Variants in PCMTD1 observed in about 807,000 individuals in gnomAD.
PCMTD1 encodes the protein protein-L-isoaspartate (D-aspartate) O-methyltransferase domain containing 1, also known as protein-L-isoaspartate O-methyltransferase domain-containing protein 1.
Under a neutral mutation model 37.6 loss-of-function variants are expected in PCMTD1, and 12 were observed. The observed-to-expected ratio is 0.32, with a 90% confidence interval of 0.20 to 0.52. PCMTD1 has a LOEUF of 0.52. Among genes scored for constraint, PCMTD1 ranks in the 20% least tolerant of loss-of-function variants. PCMTD1 has a pLI of 0.97. For synonymous variants in PCMTD1, 117 were observed against 135.8 expected (o/e 0.86, Z 0.96); for missense variants, 235 against 421.3 (o/e 0.56, Z 3.87).
intron 4 of PCMTD1, among the ~76,000 whole-genome samples, chr8:51,832,169 T>C (rs1310486473): frequency 2.0e-5 from 3 of 152,200 alleles, no homozygotes; most frequent in Non-Finnish European, 4.4e-5. Context: ...AAGCAGCTCG[T>C]TATTACATCT....
intron 5 of PCMTD1, among the ~76,000 whole-genome samples, chr8:51,825,736 G>T (rs1372836856): frequency 6.7e-6 from 1 of 149,728 alleles, no homozygotes; most frequent in Non-Finnish European, 1.5e-5. Flanking sequence ...AGATATTTAT[G>T]CAACCAACAA....
At position 51,833,616 on chromosome 8, in the gene PCMTD1, G is replaced by A; in HGVS notation, c.484C>T (p.Arg162Ter). 1 of 1,612,284 alleles carries A rather than the reference G, an allele frequency of 6.2e-7. No homozygotes were observed. Among genetic ancestry groups the A allele is most frequent in the Non-Finnish European group, 8.5e-7 (1 of 1,179,524 alleles). ...TGCACTCCAGCTCCACAATAAATTCGATCATACTGATGACTGTCAGAAGCT... is the reference window on the plus strand; with the variant it reads ...TGCACTCCAGCTCCACAATAAATTCAATCATACTGATGACTGTCAGAAGCT... ...QIASDSHQYD[R>*]IYCGAGVQKD... Residue 162 changes from arginine to a stop codon, truncating the protein, a stop_gained, in exon 4 of 6, where the codon CGA becomes TGA. Transcript: ENST00000522514. LOFTEE classifies it high-confidence loss of function.
chr8:51,862,383 CAT>C (rs2038486363), intron 1 of PCMTD1, among the ~76,000 whole-genome samples: 1 of 152,096 alleles, frequency 6.6e-6, no homozygotes, highest in African/African-American at 2.4e-5. Flanking sequence ...CTCACACACA[CAT>C]ACACTGAACT....
At chr8:51,839,716 C>T (rs544766950) in intron 3 of PCMTD1, 44 of 635,014 alleles carry the variant, frequency 6.9e-5, no homozygotes, top group African/African-American at 1.4e-4. Flanking sequence ...TAGTTTATCA[C>T]GTGCCACAGG....
intron 3 of PCMTD1, among the ~76,000 whole-genome samples, chr8:51,841,454 G>A (rs2038145881): frequency 6.6e-6 from 1 of 152,076 alleles, no homozygotes; most frequent in African/African-American, 2.4e-5. Flanking sequence ...ACCTAAAAGG[G>A]GACGAATATA....
intron 1 of PCMTD1, among the ~76,000 whole-genome samples, chr8:51,880,431 T>C (rs1468108440): frequency 6.6e-6 from 1 of 152,170 alleles, no homozygotes; most frequent in African/African-American, 2.4e-5. Flanking sequence ...CTTACTATGT[T>C]TTCTTACATA....
At chr8:51,885,060 C>T (rs2038845422) in intron 1 of PCMTD1, among the ~76,000 whole-genome samples, 1 of 152,156 alleles carries the variant, frequency 6.6e-6, no homozygotes, top group Admixed American at 6.5e-5. Flanking sequence ...CCTGACTGGA[C>T]CCAGATTTAT....
At chr8:51,825,406 T>C (rs1320347833) in intron 5 of PCMTD1, among the ~76,000 whole-genome samples, 1 of 65,954 alleles carries the variant, frequency 1.5e-5, no homozygotes, top group Non-Finnish European at 8.0e-5. Flanking sequence ...CAAAATAAGA[T>C]ATTTATGGCC....
intron 1 of PCMTD1, among the ~76,000 whole-genome samples, chr8:51,867,722 A>G (rs2038577914): frequency 6.6e-6 from 1 of 152,046 alleles, no homozygotes; most frequent in African/African-American, 2.4e-5. Context: ...GCATGGAAAG[A>G]CAAACACTAC....
chr8:51,822,912 CT>C (rs1230970421), intron 5 of PCMTD1, among the ~76,000 whole-genome samples: 1 of 152,206 alleles, frequency 6.6e-6, no homozygotes, highest in Admixed American at 6.5e-5. Flanking sequence ...CTGATCTTGG[CT>C]CTTGAATTTT....
In PCMTD1 at chr8:51,818,787, G is replaced by T. The variant is rs2129271034; in HGVS notation, c.*1564C>A. 6.6e-6 allele frequency: 1 copy of T among 152,430 alleles called. No individual in the cohort carries two copies. The highest frequency in any genetic ancestry group is 1.9e-4 in the East Asian group (1 of 5,192). 9.4% of individuals were successfully genotyped at this position (152,430 alleles called of 1,614,324 possible). A position where few individuals can be genotyped will look rare whatever the true frequency, so the allele number is the denominator to read the frequency against. On this transcript the variant is annotated 3_prime_UTR_variant, in exon 6 of 6. Transcript: ENST00000522514. ...TGCTTACACATGATCACAAACATTT[G>T]TTTTTAGATGTTGTGGAATTACTGG... is the stretch of plus-strand genomic sequence containing the variant.
chr8:51,855,317 C>A (rs2038370614), intron 2 of PCMTD1, among the ~76,000 whole-genome samples: 1 of 149,180 alleles, frequency 6.7e-6, no homozygotes, highest in Non-Finnish European at 1.5e-5. Flanking sequence ...CACTTGAGGT[C>A]AGGAGTTCAA....
intron 1 of PCMTD1, among the ~76,000 whole-genome samples, chr8:51,879,332 T>A (rs113155126): frequency 6.7e-6 from 1 of 150,318 alleles, no homozygotes; most frequent in African/African-American, 2.4e-5. Flanking sequence ...AAGTTGGAAA[T>A]GTAACAGGAA....
intron 1 of PCMTD1, among the ~76,000 whole-genome samples, chr8:51,876,566 G>T (rs1378358672): frequency 6.6e-6 from 1 of 152,122 alleles, no homozygotes; most frequent in African/African-American, 2.4e-5. Context: ...AAGAAACTAG[G>T]GTTCCTTGGT....
At chr8:51,827,197 G>A (rs2037933270) in intron 5 of PCMTD1, 1 of 1,135,914 alleles carries the variant, frequency 8.8e-7, no homozygotes, top group Admixed American at 4.3e-5. Flanking sequence ...ATTACTATAT[G>A]AAGCTTTTAT....
At chr8:51,882,918 G>C (rs1438976307) in intron 1 of PCMTD1, among the ~76,000 whole-genome samples, 1 of 150,386 alleles carries the variant, frequency 6.6e-6, no homozygotes, top group Non-Finnish European at 1.5e-5. Context: ...ACGAGGTCAG[G>C]AGATAGAGAC....
chr8:51,847,486 G>A (rs1054092670), intron 2 of PCMTD1, among the ~76,000 whole-genome samples: 70 of 152,076 alleles, frequency 4.6e-4, no homozygotes, highest in African/African-American at 1.6e-3. Flanking sequence ...AATTAGTCAG[G>A]TGTGGTGGTG....
intron 1 of PCMTD1, 73 bp downstream of exon 1, chr8:51,898,857 G>T: frequency 8.1e-7 from 1 of 1,232,064 alleles, no homozygotes; most frequent in East Asian, 3.2e-5. Context: ...GCGCATCCCA[G>T]TCGCCCGCCC....
At chr8:51,839,032 T>C (rs1330815593) in intron 3 of PCMTD1, among the ~76,000 whole-genome samples, 1 of 152,206 alleles carries the variant, frequency 6.6e-6, no homozygotes, top group East Asian at 1.9e-4. Context: ...ATACTTGATT[T>C]AGGAGTTCAT....
Sources: gnomAD v4.1 joint callset for allele counts (sites outside exome capture counted in the v4.1 genomes callset) on GRCh38, gnomAD v4.1.1 for gene constraint, MANE v1.5 for transcripts, NCBI Gene and HGNC (gene_info 2026-07-23, HGNC 2026-07-21) for gene names.